The following ZNF3 variants were observed in gnomAD, a reference collection of about 807,000 sequenced individuals.
The protein encoded by ZNF3 is zinc finger protein 3, also known as C2-H2 type zinc finger protein.
A neutral mutation model predicts 36.9 loss-of-function variants in ZNF3; 16 were observed. That is an observed-to-expected ratio of 0.43 (90% CI 0.29 to 0.66). The LOEUF (loss-of-function observed/expected upper bound fraction) is 0.66, where lower values mean the gene tolerates loss of function less well. Among genes scored for constraint, ZNF3 ranks in the 30% least tolerant of loss-of-function variants. The pLI, the probability that ZNF3 is intolerant of heterozygous loss-of-function variation, is 0.13. For synonymous variants in ZNF3, 201 were observed against 201.9 expected (o/e 1.00, Z 0.04); for missense variants, 462 against 543.1 (o/e 0.85, Z 1.48).
chr7:100,063,840 T>G (rs755308043), downstream of ZNF3: 49 of 1,613,738 alleles, frequency 3.0e-5, 1 homozygote, highest in South Asian at 4.2e-4. Flanking sequence ...AGAAAGGTTC[T>G]GAAGCAGAGG....
At chr7:100,066,980 A>T (rs1792684112), downstream of ZNF3, among the ~76,000 whole-genome samples, 1 of 152,166 alleles carries the variant, frequency 6.6e-6, no homozygotes, top group Admixed American at 6.5e-5. Flanking sequence ...GGTTGCAGTG[A>T]GCCGAGATTA....
chr7:100,070,485 G>C lies in ZNF3; in HGVS notation c.*658C>G, dbSNP rs570236098. 21 of 985,232 alleles carry C rather than the reference G, an allele frequency of 2.1e-5. No homozygotes were observed. Among genetic ancestry groups the C allele is most frequent in the Non-Finnish European group, 2.2e-5 (18 of 829,800 alleles). 61.0% of individuals were successfully genotyped at this position (985,232 alleles called of 1,614,324 possible). A position where few individuals can be genotyped will look rare whatever the true frequency, so the allele number is the denominator to read the frequency against. ...TGCCCATTCAGCCCCAGGACAACTG[G>C]GGGGGATGGCAGGGGGTCTGCTGGC... On this transcript the variant is annotated 3_prime_UTR_variant, in exon 6 of 6. Coordinates refer to ENST00000299667, the MANE Select transcript of ZNF3 (RefSeq NM_032924.5).
intron 5 of ZNF3, among the ~76,000 whole-genome samples, chr7:100,072,451 G>A (rs936682515): frequency 6.6e-6 from 1 of 152,208 alleles, no homozygotes; most frequent in Non-Finnish European, 1.5e-5. Flanking sequence ...AGCTGAGTGT[G>A]TGTGGAGGGG....
intron 1 of ZNF3, among the ~76,000 whole-genome samples, chr7:100,080,308 C>G (rs915474942): frequency 6.6e-6 from 1 of 152,180 alleles, no homozygotes; most frequent in Non-Finnish European, 1.5e-5. Context: ...TGGACCTTCA[C>G]CGCACAGAGA....
chr7:100,075,685 A>G (rs1793982246), intron 3 of ZNF3, 55 bp from the exon 4 acceptor site: 22 of 1,562,700 alleles, frequency 1.4e-5, no homozygotes, highest in Non-Finnish European at 1.9e-5. Context: ...TGACCTCCCA[A>G]CCTGCTGACT....
At chr7:100,064,471 A>G in exon 6 of ZNF3, 5 of 1,614,016 alleles carry the variant, frequency 3.1e-6, no homozygotes, top group Non-Finnish European at 4.2e-6. Flanking sequence ...GAAAGCCTTC[A>G]ACCACAGCTC....
At chr7:100,080,863 T>C (rs897795914) in intron 1 of ZNF3, among the ~76,000 whole-genome samples, 14 of 152,250 alleles carry the variant, frequency 9.2e-5, no homozygotes, top group African/African-American at 3.4e-4. Flanking sequence ...TCCACCCGAC[T>C]GTCCATCAAA....
chr7:100,078,884 G>A (rs1794564202), intron 2 of ZNF3: 1 of 152,140 alleles, frequency 6.6e-6, no homozygotes, highest in South Asian at 2.1e-4. Context: ...CTCACATAAG[G>A]CATCAAAGGA....
At position 100,072,158 on chromosome 7, in the gene ZNF3, T is replaced by C. The variant is rs764678654; in HGVS notation, c.326A>G (p.His109Arg). ...DQEISEDTRSHGVLLGRFQKD... is the reference protein window; with the variant it reads ...DQEISEDTRSRGVLLGRFQKD... ...TTGAAATCTTCCCAGTAGGACCCCA[T>C]GTGATCTTGTGTCTTCAGAAATTTC... Residue 109 changes from histidine (H) to arginine (R), a missense_variant, in exon 6 of 6, where the codon CAT becomes CGT. Transcript: ENST00000299667. 82 of 1,602,022 alleles carry C rather than the reference T, an allele frequency of 5.1e-5. No homozygotes were observed. Among genetic ancestry groups the C allele is most frequent in the Non-Finnish European group, 6.7e-5 (79 of 1,176,884 alleles).
downstream of ZNF3, among the ~76,000 whole-genome samples, chr7:100,066,984 G>A (rs770805415): frequency 1.5e-4 from 23 of 152,050 alleles, no homozygotes; most frequent in Non-Finnish European, 2.5e-4. Context: ...GCAGTGAGCC[G>A]AGATTATGCC....
At chr7:100,075,665 A>G (rs568243478) in intron 3 of ZNF3, 35 bp from the exon 4 acceptor site, 4 of 1,606,924 alleles carry the variant, frequency 2.5e-6, no homozygotes, top group African/African-American at 2.7e-5. Context: ...GAATGAGTCC[A>G]TCTGCTCTGT....
At chr7:100,063,847 G>C (rs1388499619), downstream of ZNF3, 1 of 1,614,048 alleles carries the variant, frequency 6.2e-7, no homozygotes. Context: ...TTCTGAAGCA[G>C]AGGGGCTCAA....
At chr7:100,075,020 G>T in intron 5 of ZNF3, 115 bp downstream of exon 5, 1 of 1,334,604 alleles carries the variant, frequency 7.5e-7, no homozygotes, top group Non-Finnish European at 1.0e-6. Context: ...TTGTGCCATT[G>T]CACCTCAAAA....
chr7:100,075,752 C>G, intron 3 of ZNF3, 122 bp from the exon 4 acceptor site: 2 of 870,392 alleles, frequency 2.3e-6, no homozygotes. Context: ...CTCTCTCTCA[C>G]ATTTCTAAGT....
downstream of ZNF3, among the ~76,000 whole-genome samples, chr7:100,067,610 C>T (rs1279851796): frequency 6.6e-6 from 1 of 152,140 alleles, no homozygotes; most frequent in Non-Finnish European, 1.5e-5. Flanking sequence ...CTATGTTGCC[C>T]AGGCTGGGCT....
At chr7:100,069,662 G>A (rs1297242698), downstream of ZNF3, among the ~76,000 whole-genome samples, 2 of 151,334 alleles carry the variant, frequency 1.3e-5, no homozygotes, top group African/African-American at 4.9e-5. Context: ...TGCCCAGGCT[G>A]GAGTTCAATG....
At chr7:100,064,157 CCCT>C in exon 6 of ZNF3, 1 of 1,613,940 alleles carries the variant, frequency 6.2e-7, no homozygotes, top group Non-Finnish European at 8.5e-7. Flanking sequence ...TCAAACCTCA[CCCT>C]CCACTACAGA....
At position 100,071,349 on chromosome 7, in the gene ZNF3, A is replaced by G. The variant is rs1562861867; in HGVS notation, c.1135T>C (p.Tyr379His). Reference sequence around the variant, plus strand: ...TGATGCTGAATAAGGCCTGAACTGTAGGTAAACTTTCCTCCACATTCCATA... The same window carrying G: ...TGATGCTGAATAAGGCCTGAACTGTGGGTAAACTTTCCTCCACATTCCATA... ...ECMECGGKFT[Y>H]SSGLIQHQRI... is the part of the protein sequence containing the mutation. Residue 379 changes from tyrosine to histidine, a missense_variant, in exon 6 of 6, where the codon TAC (tyrosine) becomes CAC (histidine). Coordinates refer to ENST00000299667, the MANE Select transcript of ZNF3 (RefSeq NM_032924.5). The G allele has an allele frequency of 1.9e-6, 3 of 1,613,806 alleles. No individual in the cohort carries two copies. Among genetic ancestry groups the G allele is most frequent in the Non-Finnish European group, 2.5e-6 (3 of 1,179,940 alleles).
Position 100,071,981 on chromosome 7 carries a change from C to A in ZNF3, c.503G>T (p.Gly168Val). 1 of 1,614,112 alleles carries A rather than the reference C, an allele frequency of 6.2e-7. No individual in the cohort carries two copies. Among genetic ancestry groups the A allele is most frequent in the Non-Finnish European group, 8.5e-7 (1 of 1,179,998 alleles). Reference protein sequence around the residue: ...VTVEEKLTPRGERSEKYNDFG... With the variant: ...VTVEEKLTPRVERSEKYNDFG... ...ATCATTATATTTCTCGCTTCTCTCT[C>A]CCCTGGGGGTTAGCTTCTCCTCAAC... The change falls in exon 6 of 6, where the codon GGA becomes GTA. Residue 168 changes from glycine (G) to valine (V), a missense_variant. Transcript: ENST00000299667.
Sources: allele counts gnomAD v4.1 joint callset (sites outside exome capture counted in the v4.1 genomes callset), GRCh38; gene constraint gnomAD v4.1.1; transcripts MANE v1.5; gene names NCBI Gene and HGNC (gene_info 2026-07-23, HGNC 2026-07-21).